TNFRSF8: variants seen among roughly 807,000 people sequenced by gnomAD.
TNFRSF8 encodes the protein TNF receptor superfamily member 8, also known as tumor necrosis factor receptor superfamily member 8.
TNFRSF8 carries 26 observed loss-of-function variants against 70.8 expected under a neutral mutation model. The observed-to-expected ratio is 0.37, with a 90% CI of 0.27 to 0.51. The LOEUF (loss-of-function observed/expected upper bound fraction) is 0.51. Among genes scored for constraint, TNFRSF8 ranks in the 20% least tolerant of loss-of-function variants. The pLI is 0.94. For synonymous variants in TNFRSF8, 356 were observed against 339.2 expected (o/e 1.05, Z -0.54); for missense variants, 720 against 807.9 (o/e 0.89, Z 1.32).
chr1:12,063,668 G>C lies in TNFRSF8; in HGVS notation c.63+7G>C. On this transcript the variant is annotated splice_region_variant and intron_variant, in intron 1 of 14. Coordinates refer to ENST00000263932, the MANE Select transcript of TNFRSF8 (RefSeq NM_001243.5). This position sits in a 1 kb window ranked among gnomAD's most constrained non-coding sequence, Gnocchi z 7.2. ...GCTACGAGCCTTCCCACAGGTAAGCGGGTGACGGGCGCCTGGGGAGGTGCC... is the reference window on the plus strand; with the variant it reads ...GCTACGAGCCTTCCCACAGGTAAGCCGGTGACGGGCGCCTGGGGAGGTGCC... 7.9e-7 allele frequency: 1 copy of C among 1,270,104 alleles called. No individual in the cohort carries two copies. Among genetic ancestry groups the C allele is most frequent in the Non-Finnish European group, 1.0e-6 (1 of 998,872 alleles). 78.7% of individuals were successfully genotyped at this position (1,270,104 alleles called of 1,614,324 possible).
Position 12,119,120 on chromosome 1 carries a change from C to T in TNFRSF8, c.946+3391C>T, listed in dbSNP as rs772113665. Among the ~76,000 whole-genome samples the T allele has an allele frequency of 2.0e-5, 3 of 152,194 alleles. No individual in the cohort carries two copies. Among genetic ancestry groups the T allele is most frequent in the South Asian group, 2.1e-4 (1 of 4,824 alleles). On this transcript the variant is annotated intron_variant, in intron 8 of 14. Transcript: ENST00000263932. This position sits in a 1 kb window ranked among gnomAD's most constrained non-coding sequence, Gnocchi z 4.4. ...CCTGGTGATCCGCCTGCCTCGGCCT[C>T]GCAAAAGTGCTGGGATTACCGGCGT...
At chr1:12,079,302 CG>C (rs2100959462) in intron 1 of TNFRSF8, among the ~76,000 whole-genome samples, 1 of 152,314 alleles carries the variant, frequency 6.6e-6, no homozygotes, top group Non-Finnish European at 1.5e-5. Flanking sequence ...GGAGGGCCTC[CG>C]GTTGCACAGC....
chr1:12,122,166 G>C (rs1020969594), intron 8 of TNFRSF8, among the ~76,000 whole-genome samples: 1 of 152,068 alleles, frequency 6.6e-6, no homozygotes, highest in African/African-American at 2.4e-5. Context: ...TCATCAGGCT[G>C]TACACACTTA....
intron 7 of TNFRSF8, among the ~76,000 whole-genome samples, chr1:12,114,275 T>C (rs1011858153): frequency 2.0e-5 from 3 of 152,190 alleles, no homozygotes; most frequent in African/African-American, 7.2e-5. Context: ...GAATACATGA[T>C]TGTAGGTTAA....
At chr1:12,095,147 G>T (rs1001669041) in intron 2 of TNFRSF8, among the ~76,000 whole-genome samples, 2 of 152,180 alleles carry the variant, frequency 1.3e-5, no homozygotes, top group Non-Finnish European at 2.9e-5. Context: ...TGTCCTCAGC[G>T]GAAATCATAG....
At chr1:12,093,129 CCGGT>C (rs1326514440) in intron 2 of TNFRSF8, among the ~76,000 whole-genome samples, 1 of 152,096 alleles carries the variant, frequency 6.6e-6, no homozygotes, top group East Asian at 1.9e-4. Context: ...CATGAGAACA[CCGGT>C]CAGATTAGAT....
At chr1:12,070,785 G>C (rs952146303) in intron 1 of TNFRSF8, among the ~76,000 whole-genome samples, 1 of 152,218 alleles carries the variant, frequency 6.6e-6, no homozygotes, top group African/African-American at 2.4e-5. Flanking sequence ...GCAAAGGATA[G>C]AACAGGGGTT....
At position 12,110,119 on chromosome 1, in the gene TNFRSF8, C is replaced by T; in HGVS notation, c.591C>T (p.Gly197=). ...SSASTMPVRG[G]TRLAQEAASK... ...CCAGCACCATGCCTGTAAGAGGGGG[C>T]ACCCGCCTCGCCCAGGAAGCTGCTT... Residue 197 remains glycine (G), a synonymous_variant, in exon 6 of 15, where the codon GGC becomes GGT. Transcript: ENST00000263932. The surrounding 1 kb of genome is among the most constrained non-coding windows in gnomAD (Gnocchi z 4.0). The T allele has an allele frequency of 6.2e-7, 1 of 1,613,374 alleles. No homozygotes were observed. The highest frequency in any genetic ancestry group is 8.5e-7 in the Non-Finnish European group (1 of 1,179,660).
chr1:12,116,448 T>C (rs1289053782), intron 8 of TNFRSF8, among the ~76,000 whole-genome samples: 1 of 152,200 alleles, frequency 6.6e-6, no homozygotes, highest in Non-Finnish European at 1.5e-5. Flanking sequence ...TTTTAAGGGC[T>C]TTGAGAGATT....
intron 1 of TNFRSF8, among the ~76,000 whole-genome samples, chr1:12,072,968 A>G (rs1640873910): frequency 6.6e-6 from 1 of 152,138 alleles, no homozygotes; most frequent in African/African-American, 2.4e-5. Context: ...TTCCCCACAC[A>G]TAGTCTGGGA....
intron 4 of TNFRSF8, among the ~76,000 whole-genome samples, chr1:12,104,858 A>C (rs545688813): frequency 5.3e-5 from 8 of 152,168 alleles, no homozygotes; most frequent in Non-Finnish European, 1.2e-4. Context: ...CTGTCCTGGG[A>C]GTTTCCTAGA....
chr1:12,123,890 T>A (rs553219842), intron 10 of TNFRSF8, 63 bp downstream of exon 10: 64 of 1,413,406 alleles, frequency 4.5e-5, no homozygotes, highest in Non-Finnish European at 5.6e-5. Context: ...GAAGTGTGGA[T>A]TGGGGGAGCC....
In TNFRSF8 at chr1:12,138,364, GC is replaced by G; in HGVS notation, c.1473del (p.Gly493AlafsTer28). The G allele has an allele frequency of 6.2e-7, 1 of 1,613,716 alleles. No individual in the cohort carries two copies. The highest frequency in any genetic ancestry group is 8.5e-7 in the Non-Finnish European group (1 of 1,179,908). On this transcript the variant is annotated frameshift_variant, in exon 14 of 15. Transcript: ENST00000263932. LOFTEE classifies it high-confidence loss of function. The surrounding 1 kb of genome is among the most constrained non-coding windows in gnomAD (Gnocchi z 5.7). ...ESLPLQDASPAGGPSSPRDLP... is the reference protein window; with the variant it reads ...ESLPLQDASPXGGPSSPRDLP... ...CCTGCCGCTGCAGGATGCCAGCCCG[GC>G]CGGGGGCCCCTCGTCCCCCAGGGAC...
In TNFRSF8 at chr1:12,141,953, C is replaced by G. The variant is rs934659643; in HGVS notation, c.1544-334C>G. 6.6e-6 allele frequency among the ~76,000 whole-genome samples: 1 copy of G among 152,188 alleles called. No homozygotes were observed. Among genetic ancestry groups the G allele is most frequent in the Non-Finnish European group, 1.5e-5 (1 of 68,030 alleles). On this transcript the variant is annotated intron_variant, in intron 14 of 14. Transcript: ENST00000263932. The surrounding 1 kb of genome is among the most constrained non-coding windows in gnomAD (Gnocchi z 5.4). ...ACTGCTCAGCTCTGCTGTTTCTGCTCGTGCTCTGGTTACCCACGGCTTTGC... is the reference window on the plus strand; with the variant it reads ...ACTGCTCAGCTCTGCTGTTTCTGCTGGTGCTCTGGTTACCCACGGCTTTGC...
chr1:12,127,817 C>A (rs1220281260), intron 12 of TNFRSF8, among the ~76,000 whole-genome samples: 1 of 152,016 alleles, frequency 6.6e-6, no homozygotes, highest in African/African-American at 2.4e-5. Flanking sequence ...TTCTTCAAAC[C>A]TCTGTGAGAG....
chr1:12,135,902 T>C (rs990362465), intron 13 of TNFRSF8, among the ~76,000 whole-genome samples: 1 of 152,314 alleles, frequency 6.6e-6, no homozygotes, highest in African/African-American at 2.4e-5. Context: ...TGGCTCAGCC[T>C]GCCGGGAATT....
rs1210431983 is a variant in TNFRSF8 at position 12,063,717 on chromosome 1, T to C, written c.63+56T>C. On this transcript the variant is annotated intron_variant, in intron 1 of 14. Coordinates refer to ENST00000263932, the MANE Select transcript of TNFRSF8 (RefSeq NM_001243.5). The surrounding 1 kb of genome is among the most constrained non-coding windows in gnomAD (Gnocchi z 7.2). ...CCGGCGGTCCAGAGCCCGGACAGTG[T>C]GGGGTGCGTGGGACGCAAGGGAGGA... The C allele has an allele frequency of 1.9e-5, 24 of 1,248,592 alleles. No homozygotes were observed. Among genetic ancestry groups the C allele is most frequent in the African/African-American group, 3.1e-5 (2 of 64,254 alleles). 77.3% of individuals were successfully genotyped at this position (1,248,592 alleles called of 1,614,324 possible). A position where few individuals can be genotyped will look rare whatever the true frequency, so the allele number is the denominator to read the frequency against.
In TNFRSF8 at chr1:12,076,865, G is replaced by T. The variant is rs11569797; in HGVS notation, c.64-7599G>T. Among the ~76,000 whole-genome samples, 1,078 of 152,276 alleles carry T rather than the reference G, an allele frequency of 7.1e-3. 10 individuals are homozygous for T. Among genetic ancestry groups the T allele is most frequent in the African/African-American group, 0.025 (1,036 of 41,536 alleles). ...TTAGGAGGTGACTACTGAGTTCGGC[G>T]TGTGGTGGTATAGTCTAGTGGTTGC... On this transcript the variant is annotated intron_variant, in intron 1 of 14. Coordinates refer to ENST00000263932, the MANE Select transcript of TNFRSF8 (RefSeq NM_001243.5).
chr1:12,102,880 A>T (rs996919736), intron 3 of TNFRSF8, among the ~76,000 whole-genome samples: 4 of 151,192 alleles, frequency 2.6e-5, no homozygotes, highest in African/African-American at 9.7e-5. Flanking sequence ...TTTTCCTGCC[A>T]GCAGTTGTTA....
Sources: allele counts gnomAD v4.1 joint callset (sites outside exome capture counted in the v4.1 genomes callset), GRCh38; gene constraint gnomAD v4.1.1; non-coding constraint Gnocchi (gnomAD v3.1); transcripts MANE v1.5; gene names NCBI Gene and HGNC (gene_info 2026-07-23, HGNC 2026-07-21).